Variants in DLGAP2 observed in about 807,000 individuals in gnomAD.
DLGAP2 encodes disks large-associated protein 2.
A neutral mutation model predicts 100.3 loss-of-function variants in DLGAP2; 26 were observed. The ratio of observed to expected loss-of-function variants is 0.26; its 90% confidence interval spans 0.19 to 0.36. The LOEUF is 0.36. Ranked by LOEUF, DLGAP2 falls within the 10% of genes least tolerant of loss-of-function variation. The pLI, the probability that DLGAP2 is intolerant of heterozygous loss-of-function variation, is 1.00. For missense variants in DLGAP2, 1,858 were observed against 1,453.2 expected, an observed-to-expected ratio of 1.28 and a Z score of -4.53; for synonymous variants, 886 against 630.1, an observed-to-expected ratio of 1.41 and a Z score of -6.08.
chr8:862,385 C>A (rs373950093), intron 1 of DLGAP2, among the ~76,000 whole-genome samples: 28 of 151,956 alleles, frequency 1.8e-4, no homozygotes, highest in African/African-American at 6.5e-4. Context: ...TCACTGCGGC[C>A]TCCGCCTTCC....
At chr8:1,353,906 G>A (rs1290682336) in intron 3 of DLGAP2, among the ~76,000 whole-genome samples, 1 of 152,092 alleles carries the variant, frequency 6.6e-6, no homozygotes, top group Non-Finnish European at 1.5e-5. Flanking sequence ...AATCAGCGAA[G>A]GGGAAAAAAG....
chr8:1,062,453 G>T (rs1164246093), intron 2 of DLGAP2, among the ~76,000 whole-genome samples: 1 of 152,150 alleles, frequency 6.6e-6, no homozygotes, highest in Non-Finnish European at 1.5e-5. Context: ...CTCGGCGTTT[G>T]GATGCTGCAG....
rs114501657 is a variant in DLGAP2 at position 1,120,467 on chromosome 8, C to G, written c.74-138384C>G. ...ATTCTAGACCCTTCAGAAACCATAA[C>G]CACCTTTCTGCTACTTTCATAGCCC... On this transcript the variant is annotated intron_variant, in intron 2 of 14. Transcript: ENST00000637795. Among the ~76,000 whole-genome samples, 260 of 152,258 alleles carry G rather than the reference C, an allele frequency of 1.7e-3. 1 individual carries two copies. The highest frequency in any genetic ancestry group is 5.1e-3 in the African/African-American group (210 of 41,536).
intron 1 of DLGAP2, among the ~76,000 whole-genome samples, chr8:902,984 G>C (rs1344289812): frequency 3.6e-5 from 2 of 55,750 alleles, no homozygotes; most frequent in Non-Finnish European, 7.8e-5. Context: ...GTGGGTGGGG[G>C]CGGGGGGGCG....
At position 1,678,339 on chromosome 8, in the gene DLGAP2, G is replaced by T. The variant is rs767410199; in HGVS notation, c.2414G>T (p.Arg805Leu). The T allele has an allele frequency of 1.2e-6, 2 of 1,613,994 alleles. No homozygotes were observed. ...CTTCAGTTCGGCTCATCCTTCCAGC[G>T]GCACTCCGAGCCCAGCACCCCCACC... is the stretch of plus-strand genomic sequence containing the variant. Reference protein sequence around the residue: ...KGLQFGSSFQRHSEPSTPTQY... With the variant: ...KGLQFGSSFQLHSEPSTPTQY... Residue 805 changes from arginine to leucine, a missense_variant, in exon 12 of 15, where the codon CGG becomes CTG. Coordinates refer to ENST00000637795, the MANE Select transcript of DLGAP2 (RefSeq NM_001346810.2).
At chr8:1,593,653 G>A (rs6981098) in intron 6 of DLGAP2, among the ~76,000 whole-genome samples, 2,077 of 151,972 alleles carry the variant, frequency 0.014, 45 homozygotes, top group African/African-American at 0.047. Context: ...GGGGAGGGAA[G>A]GATCAGTTAG....
intron 2 of DLGAP2, among the ~76,000 whole-genome samples, chr8:966,466 A>G (rs1799873622): frequency 6.6e-6 from 1 of 152,252 alleles, no homozygotes; most frequent in Non-Finnish European, 1.5e-5. Context: ...CTTTTTCTGT[A>G]GTTGAGTTAG....
chr8:1,678,500 G>A lies in DLGAP2; in HGVS notation c.2575G>A (p.Gly859Arg). ...GCCCGCCATCGACACGGTAGAGACT[G>A]GGAGGATGTCTCCGTGCCGCAGGGA... ...LEPAIDTVET[G>R]RMSPCRRDGS... is the part of the protein sequence containing the mutation. The change falls in exon 12 of 15, where the codon GGG becomes AGG. Residue 859 changes from glycine (G) to arginine (R), a missense_variant. Gly to Arg is a moderately radical substitution (Grantham distance 125). Coordinates refer to ENST00000637795, the MANE Select transcript of DLGAP2 (RefSeq NM_001346810.2). 6.2e-7 allele frequency: 1 copy of A among 1,612,258 alleles called. No individual in the cohort carries two copies. The highest frequency in any genetic ancestry group is 8.5e-7 in the Non-Finnish European group (1 of 1,179,202).
At chr8:1,338,733 C>T (rs1801346641) in intron 3 of DLGAP2, among the ~76,000 whole-genome samples, 1 of 152,186 alleles carries the variant, frequency 6.6e-6, no homozygotes, top group Non-Finnish European at 1.5e-5. Flanking sequence ...AGAGTGAGCC[C>T]AGGACACGTT....
At chr8:1,489,746 C>G (rs1289075649) in intron 3 of DLGAP2, among the ~76,000 whole-genome samples, 1 of 152,134 alleles carries the variant, frequency 6.6e-6, no homozygotes, top group Admixed American at 6.5e-5. Flanking sequence ...GATCACAAAC[C>G]GCATCGAGTT....
At position 1,536,018 on chromosome 8, in the gene DLGAP2, C is replaced by G. The variant is rs73672791; in HGVS notation, c.173-12608C>G. Reference sequence around the variant, plus strand: ...GTCTAGTGTGTCGGCTATAATGTAACAGTCATGACACGTGAGTAGCATTAG... The same window carrying G: ...GTCTAGTGTGTCGGCTATAATGTAAGAGTCATGACACGTGAGTAGCATTAG... On this transcript the variant is annotated intron_variant, in intron 4 of 14. Transcript: ENST00000637795. 3.9e-5 allele frequency among the ~76,000 whole-genome samples: 6 copies of G among 152,116 alleles called. No individual in the cohort carries two copies. In the South Asian group the frequency reaches 8.3e-4, roughly 21 times the overall value.
intron 5 of DLGAP2, among the ~76,000 whole-genome samples, chr8:1,553,668 C>T (rs949756282): frequency 2.0e-5 from 3 of 152,252 alleles, no homozygotes; most frequent in Admixed American, 6.5e-5. Flanking sequence ...CTCCCGCCCT[C>T]TGCAGCCGGT....
intron 3 of DLGAP2, among the ~76,000 whole-genome samples, chr8:1,480,493 G>T (rs1799060354): frequency 6.6e-6 from 1 of 152,190 alleles, no homozygotes; most frequent in Non-Finnish European, 1.5e-5. Context: ...GGCTGGCTGA[G>T]CCCTGACCTG....
chr8:1,243,154 A>T (rs1318897877), intron 2 of DLGAP2, among the ~76,000 whole-genome samples: 1 of 152,162 alleles, frequency 6.6e-6, no homozygotes, highest in African/African-American at 2.4e-5. Context: ...TGGGAAAGGC[A>T]GGGCGTGCTC....
intron 2 of DLGAP2, among the ~76,000 whole-genome samples, chr8:1,143,103 C>T (rs562538258): frequency 2.0e-5 from 3 of 152,288 alleles, no homozygotes; most frequent in African/African-American, 4.8e-5. Flanking sequence ...TTGATGTTAG[C>T]GCAGCGGCCA....
chr8:1,313,782 G>C (rs551092682), intron 3 of DLGAP2, among the ~76,000 whole-genome samples: 1 of 152,166 alleles, frequency 6.6e-6, no homozygotes, highest in South Asian at 2.1e-4. Flanking sequence ...TATGTCTGGG[G>C]AGGGGAGAAG....
intron 1 of DLGAP2, among the ~76,000 whole-genome samples, chr8:797,870 C>T (rs908806308): frequency 6.6e-6 from 1 of 152,146 alleles, no homozygotes; most frequent in African/African-American, 2.4e-5. Flanking sequence ...CCTGCTTCAG[C>T]CTCCTGAGTA....
intron 2 of DLGAP2, among the ~76,000 whole-genome samples, chr8:973,966 A>G (rs1800096801): frequency 1.3e-5 from 2 of 151,512 alleles, no homozygotes; most frequent in Admixed American, 1.3e-4. Context: ...AGACCGGGCC[A>G]CTCGGTCGCC....
intron 2 of DLGAP2, among the ~76,000 whole-genome samples, chr8:1,170,786 T>C (rs1413293443): frequency 6.7e-6 from 1 of 149,324 alleles, no homozygotes; most frequent in Non-Finnish European, 1.5e-5. Context: ...TTTTCTTTAT[T>C]AGTCTTGCTA....
Sources: gnomAD v4.1 joint callset for allele counts (sites outside exome capture counted in the v4.1 genomes callset) on GRCh38, gnomAD v4.1.1 for gene constraint, MANE v1.5 for transcripts, NCBI Gene and HGNC (gene_info 2026-07-23, HGNC 2026-07-21) for gene names.